The following AGBL4 variants were observed in gnomAD, a reference collection of about 807,000 sequenced individuals.
AGBL4 encodes the protein cytosolic carboxypeptidase 6.
A neutral mutation model predicts 66.4 loss-of-function variants in AGBL4; 58 were observed. The ratio of observed to expected loss-of-function variants is 0.87; its 90% confidence interval spans 0.71 to 1.09. The LOEUF (loss-of-function observed/expected upper bound fraction) is 1.09. Among genes scored for constraint, AGBL4 ranks in the 50% least tolerant of loss-of-function variants. The probability of loss-of-function intolerance (pLI) is 0.00; values close to 1 mark genes in which losing one functional copy is unlikely to be tolerated. For synonymous variants in AGBL4, 234 were observed against 222.9 expected (o/e 1.05, Z -0.44); for missense variants, 579 against 631.0 (o/e 0.92, Z 0.88).
At chr1:49,176,087 A>T (rs1291168755) in intron 4 of AGBL4, among the ~76,000 whole-genome samples, 5 of 152,160 alleles carry the variant, frequency 3.3e-5, no homozygotes, top group Non-Finnish European at 5.9e-5. Context: ...CTCTGTAGGT[A>T]CATAGTTAAG....
At chr1:48,590,708 A>G (rs1202262319) in intron 10 of AGBL4, 125 bp downstream of exon 10, 1 of 1,110,400 alleles carries the variant, frequency 9.0e-7, no homozygotes, top group Non-Finnish European at 1.3e-6. Context: ...TTCATCACCC[A>G]CACAATACCT....
chr1:49,804,681 A>T (rs1485203097), intron 2 of AGBL4, among the ~76,000 whole-genome samples: 1 of 152,190 alleles, frequency 6.6e-6, no homozygotes, highest in East Asian at 1.9e-4. Flanking sequence ...TGTAGGACTA[A>T]CTAGTGTAAC....
chr1:49,140,251 C>T (rs1404979735), intron 4 of AGBL4, among the ~76,000 whole-genome samples: 3 of 152,186 alleles, frequency 2.0e-5, no homozygotes, highest in Non-Finnish European at 2.9e-5. Context: ...CATTCCCATA[C>T]ATTTTCTAGC....
chr1:48,734,603 C>T (rs1397107051), intron 6 of AGBL4, among the ~76,000 whole-genome samples: 2 of 152,242 alleles, frequency 1.3e-5, no homozygotes, highest in African/African-American at 2.4e-5. Flanking sequence ...CCATCTGGGG[C>T]TTCTTCACAC....
the AGBL4 span, among the ~76,000 whole-genome samples, chr1:48,526,412 G>A: frequency 1.3e-5 from 2 of 152,154 alleles, no homozygotes; most frequent in Non-Finnish European, 2.9e-5. Flanking sequence ...ACTTCATAGG[G>A]GTGTTGTGAG....
intron 4 of AGBL4, among the ~76,000 whole-genome samples, chr1:49,062,040 T>C (rs1644411996): frequency 6.6e-6 from 1 of 152,050 alleles, no homozygotes; most frequent in Non-Finnish European, 1.5e-5. Flanking sequence ...CTCATAGGAG[T>C]GCAAACCCTA....
intron 3 of AGBL4, among the ~76,000 whole-genome samples, chr1:49,457,567 CG>C (rs1479335604): frequency 3.3e-5 from 5 of 151,602 alleles, no homozygotes; most frequent in African/African-American, 1.2e-4. Flanking sequence ...AAGTTTAACT[CG>C]GTTCCATCTT....
chr1:48,962,536 G>T (rs1474135271), intron 5 of AGBL4, among the ~76,000 whole-genome samples: 1 of 152,170 alleles, frequency 6.6e-6, no homozygotes, highest in Non-Finnish European at 1.5e-5. Context: ...AGAGCAATTA[G>T]GACTCTGCAT....
At chr1:49,650,800 T>C (rs1196418579) in intron 3 of AGBL4, among the ~76,000 whole-genome samples, 4 of 152,022 alleles carry the variant, frequency 2.6e-5, no homozygotes, top group African/African-American at 9.7e-5. Flanking sequence ...GTGAAGCGGG[T>C]GGTACTAGTG....
At chr1:49,703,038 A>C (rs1647129906) in intron 2 of AGBL4, among the ~76,000 whole-genome samples, 1 of 152,166 alleles carries the variant, frequency 6.6e-6, no homozygotes, top group Non-Finnish European at 1.5e-5. Flanking sequence ...GAAGATAAGC[A>C]TCTTTGCTTT....
intron 6 of AGBL4, among the ~76,000 whole-genome samples, chr1:48,848,973 C>T (rs1471131027): frequency 3.9e-5 from 6 of 152,240 alleles, no homozygotes; most frequent in Admixed American, 1.3e-4. Flanking sequence ...TGCTTTTCAA[C>T]CACCCTACAT....
chr1:49,785,767 GAAC>G (rs1008184483), intron 2 of AGBL4, among the ~76,000 whole-genome samples: 1 of 151,034 alleles, frequency 6.6e-6, no homozygotes, highest in Admixed American at 6.6e-5. Flanking sequence ...CCAATAGGAA[GAAC>G]AACAACAACC....
chr1:48,910,523 A>C (rs1652996795), intron 5 of AGBL4, among the ~76,000 whole-genome samples: 1 of 152,206 alleles, frequency 6.6e-6, no homozygotes, highest in African/African-American at 2.4e-5. Flanking sequence ...AGGCCCCCCA[A>C]GAGCTTAAGA....
At chr1:48,719,676 T>C (rs1001467167) in intron 6 of AGBL4, among the ~76,000 whole-genome samples, 1 of 152,238 alleles carries the variant, frequency 6.6e-6, no homozygotes, top group Non-Finnish European at 1.5e-5. Flanking sequence ...ACCTCTTGCC[T>C]ATTGCTCACA....
chr1:49,112,913 T>C (rs568474840), intron 4 of AGBL4, among the ~76,000 whole-genome samples: 1 of 152,286 alleles, frequency 6.6e-6, no homozygotes, highest in African/African-American at 2.4e-5. Context: ...TGAATGCTGA[T>C]ACTTTGACCT....
intron 4 of AGBL4, among the ~76,000 whole-genome samples, chr1:49,220,475 A>G (rs763582573): frequency 6.6e-6 from 1 of 152,194 alleles, no homozygotes; most frequent in Non-Finnish European, 1.5e-5. Flanking sequence ...TAAAAATTAT[A>G]GAAAAGATTT....
At chr1:48,784,770 C>T (rs1645372481) in intron 6 of AGBL4, among the ~76,000 whole-genome samples, 1 of 152,146 alleles carries the variant, frequency 6.6e-6, no homozygotes, top group Non-Finnish European at 1.5e-5. Context: ...AAATGGAAAT[C>T]ATTGGTCAAA....
intron 4 of AGBL4, among the ~76,000 whole-genome samples, chr1:49,164,165 T>C (rs1465633514): frequency 6.6e-6 from 1 of 152,044 alleles, no homozygotes; most frequent in East Asian, 1.9e-4. Flanking sequence ...TATACCTGGA[T>C]GTAAGGGTCG....
At chr1:49,153,172 T>C (rs1646370515) in intron 4 of AGBL4, among the ~76,000 whole-genome samples, 1 of 152,158 alleles carries the variant, frequency 6.6e-6, no homozygotes, top group Non-Finnish European at 1.5e-5. Flanking sequence ...AGATGCCTCA[T>C]GATGCCCTAA....
Sources: gnomAD v4.1 joint callset for allele counts (sites outside exome capture counted in the v4.1 genomes callset) on GRCh38, gnomAD v4.1.1 for gene constraint, MANE v1.5 for transcripts, NCBI Gene and HGNC (gene_info 2026-07-23, HGNC 2026-07-21) for gene names.